Variants in BCAS3 observed in about 807,000 individuals in gnomAD.
BCAS3 encodes BCAS3 microtubule associated cell migration factor.
Under a neutral mutation model 116.1 loss-of-function variants are expected in BCAS3, and 53 were observed. The ratio of observed to expected loss-of-function variants is 0.46; its 90% confidence interval spans 0.37 to 0.57. The LOEUF (loss-of-function observed/expected upper bound fraction) is 0.57. Ranked by LOEUF, BCAS3 falls within the 20% of genes least tolerant of loss-of-function variation. BCAS3 has a pLI of 0.00. For missense variants in BCAS3, 917 were observed against 1,165.4 expected (o/e 0.79, Z 3.10); for synonymous variants, 391 against 408.2 (o/e 0.96, Z 0.51).
chr17:60,825,825 C>T (rs1405256369), intron 7 of BCAS3, among the ~76,000 whole-genome samples: 1 of 151,332 alleles, frequency 6.6e-6, no homozygotes, highest in Non-Finnish European at 1.5e-5. Context: ...CTCCTAAAGG[C>T]CCCACTTCTT....
intron 6 of BCAS3, among the ~76,000 whole-genome samples, chr17:60,776,980 A>C (rs1455104775): frequency 6.1e-5 from 9 of 147,344 alleles, no homozygotes; most frequent in Non-Finnish European, 1.2e-4. Flanking sequence ...GTGCCACTGC[A>C]CTCCACGCTG....
rs1161472009 is a variant in BCAS3 at position 60,963,588 on chromosome 17, C to T, written c.1221+16236C>T. 4.4e-4 allele frequency among the ~76,000 whole-genome samples: 61 copies of T among 139,052 alleles called. 1 individual carries two copies. Among genetic ancestry groups the T allele is most frequent in the Non-Finnish European group, 4.6e-5 (3 of 65,880 alleles). The allele number at this position is 139,052 out of a possible 152,430, so 91.2% of individuals were successfully genotyped here. A position where few individuals can be genotyped will look rare whatever the true frequency, so the allele number is the denominator to read the frequency against. On this transcript the variant is annotated intron_variant, in intron 14 of 23. Coordinates refer to ENST00000407086, the MANE Select transcript of BCAS3 (RefSeq NM_017679.5). ...TTTTTTTTTTTGAGATGGAGTTTTG[C>T]TCTGTCGCCCAGGCTGGAGTGCAGT... is the stretch of plus-strand genomic sequence containing the variant.
chr17:61,270,883 C>T (rs988308469), intron 22 of BCAS3, among the ~76,000 whole-genome samples: 1 of 151,960 alleles, frequency 6.6e-6, no homozygotes, highest in African/African-American at 2.4e-5. Context: ...CCTCAGCCTC[C>T]CGAGTAGCTG....
chr17:60,694,011 G>C (rs1412717027), intron 4 of BCAS3, among the ~76,000 whole-genome samples: 1 of 148,338 alleles, frequency 6.7e-6, no homozygotes, highest in African/African-American at 2.5e-5. Flanking sequence ...TCAGCCTCTC[G>C]AGTAGCTGGG....
chr17:60,680,134 CAA>C (rs11442352), intron 2 of BCAS3, among the ~76,000 whole-genome samples: 11 of 108,412 alleles, frequency 1.0e-4, no homozygotes, highest in African/African-American at 3.5e-4. Flanking sequence ...ACTCTGTCTC[CAA>C]AAAAAAAAAA....
chr17:61,339,159 G>A lies in BCAS3; in HGVS notation c.2426-29168G>A, dbSNP rs1003063551. Among the ~76,000 whole-genome samples the A allele has an allele frequency of 2.6e-5, 4 of 152,262 alleles. No individual in the cohort carries two copies. Among genetic ancestry groups the A allele is most frequent in the East Asian group, 1.9e-4 (1 of 5,166 alleles). ...TTCTGTGGAGGATGCAGAAACTGAC[G>A]ATTGGCAGTCATCTTCCCAGCTCTC... On this transcript the variant is annotated intron_variant, in intron 22 of 23. Coordinates refer to ENST00000407086, the MANE Select transcript of BCAS3 (RefSeq NM_017679.5). This position sits in a 1 kb window ranked among gnomAD's most constrained non-coding sequence, Gnocchi z 4.4.
At chr17:61,182,761 G>C (rs577889688) in intron 22 of BCAS3, among the ~76,000 whole-genome samples, 2 of 152,210 alleles carry the variant, frequency 1.3e-5, no homozygotes, top group Admixed American at 1.3e-4. Flanking sequence ...CATACAATAC[G>C]TAGTCTTTTG....
intron 4 of BCAS3, among the ~76,000 whole-genome samples, chr17:60,698,313 A>C (rs540915767): frequency 2.0e-5 from 3 of 152,274 alleles, no homozygotes; most frequent in Non-Finnish European, 4.4e-5. Context: ...TTGAGGAATA[A>C]TATAACATTT....
intron 19 of BCAS3, chr17:61,070,231 G>A (rs557343751): frequency 1.5e-5 from 23 of 1,546,514 alleles, no homozygotes; most frequent in African/African-American, 9.5e-5. Context: ...TGACATTGAT[G>A]TGGCCAAGGT....
At chr17:60,910,844 T>C (rs912405570) in intron 12 of BCAS3, 142 bp downstream of exon 12, 1 of 761,686 alleles carries the variant, frequency 1.3e-6, no homozygotes, top group Non-Finnish European at 2.0e-6. Context: ...AGGTTTTTCT[T>C]TAAAAATGAT....
At position 61,356,276 on chromosome 17, in the gene BCAS3, G is replaced by A. The variant is rs1444169226; in HGVS notation, c.2426-12051G>A. On this transcript the variant is annotated intron_variant, in intron 22 of 23. Coordinates refer to ENST00000407086, the MANE Select transcript of BCAS3 (RefSeq NM_017679.5). The surrounding 1 kb of genome is among the most constrained non-coding windows in gnomAD (Gnocchi z 5.4). ...CCCAAAGTGCTGGGATTACAGGCGT[G>A]AGCCACCGCACCTGGCCAGGAAACA... Among the ~76,000 whole-genome samples the A allele has an allele frequency of 6.6e-6, 1 of 152,238 alleles. No individual in the cohort carries two copies. The highest frequency in any genetic ancestry group is 2.1e-4 in the South Asian group (1 of 4,836).
chr17:60,763,780 CCT>C (rs1259005155), intron 6 of BCAS3, among the ~76,000 whole-genome samples: 1 of 152,140 alleles, frequency 6.6e-6, no homozygotes, highest in Non-Finnish European at 1.5e-5. Context: ...GGTACCAGCT[CCT>C]CTCTGTACCT....
chr17:60,835,169 T>TA (rs1364074579), intron 7 of BCAS3, among the ~76,000 whole-genome samples: 3 of 151,940 alleles, frequency 2.0e-5, no homozygotes, highest in Admixed American at 6.6e-5. Context: ...CTTCCAAAAT[T>TA]AAAAAATAAT....
At chr17:60,800,695 A>G (rs1280046512) in intron 6 of BCAS3, among the ~76,000 whole-genome samples, 2 of 152,048 alleles carry the variant, frequency 1.3e-5, no homozygotes, top group Admixed American at 6.6e-5. Flanking sequence ...ATTTTCTTCC[A>G]TATTTTCTTC....
Position 61,215,054 on chromosome 17 carries a change from A to G in BCAS3, c.2425+130490A>G, listed in dbSNP as rs1220302008. ...CTGGAGCAGATAAGCAGGAAATATA[A>G]CTAACCAAGATTAATTTCACATATT... On this transcript the variant is annotated intron_variant, in intron 22 of 23. Coordinates refer to ENST00000407086, the MANE Select transcript of BCAS3 (RefSeq NM_017679.5). The surrounding 1 kb of genome is among the most constrained non-coding windows in gnomAD (Gnocchi z 4.8). 6.6e-6 allele frequency among the ~76,000 whole-genome samples: 1 copy of G among 152,226 alleles called. No homozygotes were observed. The highest frequency in any genetic ancestry group is 1.5e-5 in the Non-Finnish European group (1 of 68,034).
At chr17:61,318,583 C>T (rs185284614) in intron 22 of BCAS3, among the ~76,000 whole-genome samples, 223 of 152,344 alleles carry the variant, frequency 1.5e-3, no homozygotes, top group Non-Finnish European at 2.5e-3. Context: ...GAACTGCCAA[C>T]AGATGACGGG....
At chr17:60,852,185 A>G (rs946754006) in intron 7 of BCAS3, among the ~76,000 whole-genome samples, 1 of 151,686 alleles carries the variant, frequency 6.6e-6, no homozygotes, top group Non-Finnish European at 1.5e-5. Flanking sequence ...CACAATGTGC[A>G]GGTTAGTTAC....
chr17:60,808,108 C>A, intron 7 of BCAS3, 32 bp downstream of exon 7: 1 of 1,402,896 alleles, frequency 7.1e-7, no homozygotes, highest in Non-Finnish European at 1.0e-6. Context: ...TTTGTATCAC[C>A]TATTACAAAT....
In BCAS3 at chr17:60,689,837, T is replaced by A. The variant is rs1341965263; in HGVS notation, c.214+76T>A. ...TACCTGATTCCAAAAAGAGAGCCTC[T>A]ACTTTAGTCAGATTACTTTCTCTTA... On this transcript the variant is annotated intron_variant, in intron 4 of 23. Transcript: ENST00000407086. The A allele has an allele frequency of 3.8e-5, 38 of 1,000,918 alleles. No individual in the cohort carries two copies. In the South Asian group the frequency reaches 5.1e-4, roughly 14 times the overall value. 62.0% of individuals were successfully genotyped at this position (1,000,918 alleles called of 1,614,324 possible).
Sources: gnomAD v4.1 joint callset for allele counts (sites outside exome capture counted in the v4.1 genomes callset) on GRCh38, gnomAD v4.1.1 for gene constraint, Gnocchi (gnomAD v3.1) non-coding constraint, MANE v1.5 for transcripts, NCBI Gene and HGNC (gene_info 2026-07-23, HGNC 2026-07-21) for gene names.